Variants in FHAD1 observed in about 807,000 individuals in gnomAD.
FHAD1 encodes forkhead-associated domain-containing protein 1.
FHAD1 carries 146 observed loss-of-function variants against 191.3 expected under a neutral mutation model. The observed-to-expected ratio is 0.76, with a 90% CI of 0.67 to 0.88. FHAD1 has a LOEUF of 0.88. FHAD1 is among the 40% of genes least tolerant of loss of function. The probability of loss-of-function intolerance (pLI) is 0.00; values close to 1 mark genes in which losing one functional copy is unlikely to be tolerated. For missense variants in FHAD1, 1,635 were observed against 1,785.8 expected (o/e 0.92, Z 1.52); for synonymous variants, 616 against 672.3 (o/e 0.92, Z 1.29).
chr1:15,315,907 A>G (rs575649098), intron 8 of FHAD1, among the ~76,000 whole-genome samples: 79 of 152,334 alleles, frequency 5.2e-4, no homozygotes, highest in African/African-American at 1.8e-3. Context: ...TTCTGGGTCA[A>G]AAAGGAGGCC....
chr1:15,342,747 A>G (rs1687257255), intron 16 of FHAD1, among the ~76,000 whole-genome samples: 1 of 151,716 alleles, frequency 6.6e-6, no homozygotes, highest in Non-Finnish European at 1.5e-5. Context: ...ACAGCCTCGA[A>G]CTCCCAGGCT....
intron 4 of FHAD1, among the ~76,000 whole-genome samples, chr1:15,295,016 G>A (rs1354631849): frequency 1.3e-5 from 2 of 152,194 alleles, no homozygotes; most frequent in African/African-American, 2.4e-5. Flanking sequence ...TATACTGTAA[G>A]TAATGGAATA....
intron 31 of FHAD1, among the ~76,000 whole-genome samples, chr1:15,386,919 G>A (rs536056210): frequency 4.7e-5 from 7 of 149,654 alleles, no homozygotes; most frequent in East Asian, 2.0e-4. Context: ...CTGGAGTGCC[G>A]TGGCACAATC....
chr1:15,258,318 C>A (rs1328239938), intron 2 of FHAD1, among the ~76,000 whole-genome samples: 1 of 152,224 alleles, frequency 6.6e-6, no homozygotes, highest in African/African-American at 2.4e-5. Context: ...GTAGCAGGTT[C>A]CTCATAGACT....
At chr1:15,393,662 G>C (rs1012575803) in intron 33 of FHAD1, among the ~76,000 whole-genome samples, 1 of 151,202 alleles carries the variant, frequency 6.6e-6, no homozygotes, top group African/African-American at 2.4e-5. Context: ...TAGTGCAGTG[G>C]CACCATCTCA....
intron 21 of FHAD1, among the ~76,000 whole-genome samples, chr1:15,359,822 C>T (rs146578300): frequency 2.7e-4 from 41 of 152,302 alleles, no homozygotes; most frequent in African/African-American, 5.3e-4. Context: ...TGGTGGCGGG[C>T]GCCTGTAGTC....
At chr1:15,388,477 C>G (rs1702901900) in intron 32 of FHAD1, 4 of 922,264 alleles carry the variant, frequency 4.3e-6, no homozygotes, top group Non-Finnish European at 5.6e-6. Flanking sequence ...AGCAGCCATC[C>G]TAGGCCACTA....
chr1:15,394,676 T>C (rs1705323143), intron 33 of FHAD1, among the ~76,000 whole-genome samples: 1 of 152,130 alleles, frequency 6.6e-6, no homozygotes, highest in Non-Finnish European at 1.5e-5. Flanking sequence ...CTTCCCAGAA[T>C]CTCCTCTGTG....
intron 1 of FHAD1, among the ~76,000 whole-genome samples, chr1:15,240,956 C>CAAAAAAAA (rs55740154): frequency 4.8e-5 from 6 of 124,798 alleles, no homozygotes; most frequent in African/African-American, 9.0e-5. Flanking sequence ...GACTCTATCT[C>CAAAAAAAA]AAAAAAAAAA....
intron 33 of FHAD1, among the ~76,000 whole-genome samples, chr1:15,391,773 C>T (rs753129975): frequency 6.6e-5 from 10 of 152,186 alleles, no homozygotes; most frequent in Admixed American, 3.9e-4. Flanking sequence ...AAATAGAAGC[C>T]TCTTCTTAAC....
intron 16 of FHAD1, among the ~76,000 whole-genome samples, chr1:15,344,791 CACATCAACCCA>C (rs1688201360): frequency 6.6e-6 from 1 of 152,210 alleles, no homozygotes; most frequent in Non-Finnish European, 1.5e-5. Flanking sequence ...ATCCACCCCT[CACATCAACCCA>C]ACACAGGAAG....
chr1:15,391,497 A>G (rs1410235411), intron 33 of FHAD1, among the ~76,000 whole-genome samples: 4 of 151,776 alleles, frequency 2.6e-5, no homozygotes, highest in Non-Finnish European at 5.9e-5. Context: ...CTGGCTGAAC[A>G]CTCTTTTTTA....
chr1:15,386,268 C>T (rs1047259769), intron 31 of FHAD1, among the ~76,000 whole-genome samples: 1 of 152,226 alleles, frequency 6.6e-6, no homozygotes, highest in South Asian at 2.1e-4. Flanking sequence ...CACTCGGGGG[C>T]GGGGGCAGTG....
chr1:15,395,045 GGCTCAC>G (rs1281637749), intron 33 of FHAD1, among the ~76,000 whole-genome samples: 1 of 152,140 alleles, frequency 6.6e-6, no homozygotes, highest in Non-Finnish European at 1.5e-5. Flanking sequence ...TGGGTGCGGT[GGCTCAC>G]GCCTGTAATC....
At chr1:15,242,070 T>G (rs1645443304) in intron 1 of FHAD1, among the ~76,000 whole-genome samples, 1 of 151,800 alleles carries the variant, frequency 6.6e-6, no homozygotes, top group Non-Finnish European at 1.5e-5. Context: ...CCGTCTCTAC[T>G]AAAAATACAA....
At chr1:15,336,949 C>T (rs1377121051) in intron 14 of FHAD1, among the ~76,000 whole-genome samples, 2 of 152,238 alleles carry the variant, frequency 1.3e-5, no homozygotes, top group East Asian at 3.8e-4. Flanking sequence ...TTCTCCTGTG[C>T]AGTCAGCCCT....
chr1:15,328,157 C>A, intron 12 of FHAD1, 120 bp from the exon 13 acceptor site: 1 of 749,412 alleles, frequency 1.3e-6, no homozygotes, highest in Non-Finnish European at 2.0e-6. Flanking sequence ...CTCTGTCCTC[C>A]CGTGCTTAGA....
chr1:15,281,452 G>A (rs1453952610), intron 3 of FHAD1, among the ~76,000 whole-genome samples: 1 of 152,010 alleles, frequency 6.6e-6, no homozygotes, highest in Non-Finnish European at 1.5e-5. Context: ...AAAGAGTTTT[G>A]TTTTTGTTTT....
intron 3 of FHAD1, among the ~76,000 whole-genome samples, chr1:15,285,729 G>A (rs115951691): frequency 0.034 from 5,149 of 152,234 alleles, 94 homozygotes; most frequent in Middle Eastern, 0.092. Context: ...GGTGCAACGC[G>A]AGCCAGGGCT....
Sources: gnomAD v4.1 joint callset for allele counts (sites outside exome capture counted in the v4.1 genomes callset) on GRCh38, gnomAD v4.1.1 for gene constraint, MANE v1.5 for transcripts, NCBI Gene and HGNC (gene_info 2026-07-23, HGNC 2026-07-21) for gene names.